The following RRAS2 variants were observed in gnomAD, a reference collection of about 807,000 sequenced individuals.
The protein encoded by RRAS2 is RAS related 2.
Under a neutral mutation model 27.6 loss-of-function variants are expected in RRAS2, and 7 were observed. The ratio of observed to expected loss-of-function variants is 0.25; its 90% CI spans 0.14 to 0.48. The LOEUF is 0.48. Among genes scored for constraint, RRAS2 ranks in the 20% least tolerant of loss-of-function variants. The pLI, the probability that RRAS2 is intolerant of heterozygous loss-of-function variation, is 0.99. For missense variants in RRAS2, 178 were observed against 256.2 expected, an observed-to-expected ratio of 0.69 and a Z score of 2.08; for synonymous variants, 86 against 90.9, an observed-to-expected ratio of 0.95 and a Z score of 0.31.
At chr11:14,298,205 A>G (rs1554946937) in intron 1 of RRAS2, among the ~76,000 whole-genome samples, 1 of 152,198 alleles carries the variant, frequency 6.6e-6, no homozygotes, top group African/African-American at 2.4e-5. Flanking sequence ...CCCATATGCC[A>G]TGCTTTTATA....
At chr11:14,304,428 A>C (rs1847788632) in intron 1 of RRAS2, among the ~76,000 whole-genome samples, 1 of 152,224 alleles carries the variant, frequency 6.6e-6, no homozygotes, top group African/African-American at 2.4e-5. Flanking sequence ...AAACCAGTTT[A>C]AGGCTACCCA....
chr11:14,294,499 T>C lies in RRAS2; in HGVS notation c.380A>G (p.Asn127Ser). The C allele has an allele frequency of 1.3e-6, 2 of 1,598,152 alleles. No individual in the cohort carries two copies. Among genetic ancestry groups the C allele is most frequent in the Non-Finnish European group, 1.7e-6 (2 of 1,172,996 alleles). ...TCTTTGATGATCCAGATCTGCTTTA[T>C]TACCAATTAAAATCATTGGGAACTC... The part of the protein sequence containing the change: ...RDEFPMILIG[N>S]KADLDHQRQV... Residue 127 changes from asparagine (N) to serine (S), a missense_variant, in exon 4 of 6, where the codon AAT becomes AGT. Transcript: ENST00000256196.
intron 1 of RRAS2, among the ~76,000 whole-genome samples, chr11:14,353,855 G>A (rs1849017090): frequency 6.6e-6 from 1 of 152,144 alleles, no homozygotes; most frequent in South Asian, 2.1e-4. Context: ...CATTTCAACT[G>A]TTCCCCAAAC....
At chr11:14,335,672 T>C (rs782539413) in intron 1 of RRAS2, among the ~76,000 whole-genome samples, 2 of 152,264 alleles carry the variant, frequency 1.3e-5, no homozygotes, top group East Asian at 3.9e-4. Flanking sequence ...CTAAAAATCC[T>C]TGACAAACAT....
At chr11:14,293,194 G>A (rs1192763492) in intron 4 of RRAS2, among the ~76,000 whole-genome samples, 2 of 138,802 alleles carry the variant, frequency 1.4e-5, no homozygotes, top group Non-Finnish European at 3.0e-5. Flanking sequence ...TTGAAATTGG[G>A]TATGCCGCCA....
At chr11:14,319,488 A>T (rs1285107382) in intron 1 of RRAS2, among the ~76,000 whole-genome samples, 1 of 151,574 alleles carries the variant, frequency 6.6e-6, no homozygotes, top group Non-Finnish European at 1.5e-5. Context: ...CCTCCCGAGT[A>T]GCTGGGACTA....
At chr11:14,339,905 G>T (rs1349193946) in intron 1 of RRAS2, among the ~76,000 whole-genome samples, 2 of 151,868 alleles carry the variant, frequency 1.3e-5, no homozygotes, top group Non-Finnish European at 2.9e-5. Context: ...CTTGAGCTCA[G>T]GAGTTCGAGA....
chr11:14,343,682 A>G (rs1480246780), intron 1 of RRAS2, among the ~76,000 whole-genome samples: 1 of 151,622 alleles, frequency 6.6e-6, no homozygotes, highest in Non-Finnish European at 1.5e-5. Flanking sequence ...AAAAATACAA[A>G]AATTAGCGGG....
At position 14,351,625 on chromosome 11, in the gene RRAS2, G is replaced by A. The variant is rs982044448; in HGVS notation, c.108+7138C>T. 2.1e-4 allele frequency among the ~76,000 whole-genome samples: 32 copies of A among 152,038 alleles called. 1 individual carries two copies. Among genetic ancestry groups the A allele is most frequent in the Non-Finnish European group, 4.4e-4 (30 of 68,004 alleles). ...AGCGCCTGTAATCCCAGCTACTCGG[G>A]AGGCTGAGGCAGGAGAATGGCTTGA... On this transcript the variant is annotated intron_variant, in intron 1 of 5. Coordinates refer to ENST00000256196, the MANE Select transcript of RRAS2 (RefSeq NM_012250.6).
Position 14,279,234 on chromosome 11 carries a change from T to A in RRAS2, c.*103A>T. 1 of 825,254 alleles carries A rather than the reference T, an allele frequency of 1.2e-6. No individual in the cohort carries two copies. The highest frequency in any genetic ancestry group is 2.5e-5 in the East Asian group (1 of 40,564). 51.1% of individuals were successfully genotyped at this position (825,254 alleles called of 1,614,324 possible). On this transcript the variant is annotated 3_prime_UTR_variant, in exon 6 of 6. Transcript: ENST00000256196. ...TCTTCGTCTAAGGCTAACATGGTGA[T>A]CATTTGTCTAAGGCTAGAAAGGTAC...
chr11:14,281,381 T>A (rs1334627387), intron 5 of RRAS2, among the ~76,000 whole-genome samples: 1 of 152,194 alleles, frequency 6.6e-6, no homozygotes, highest in Admixed American at 6.5e-5. Context: ...ATCACCCCCT[T>A]TGGAAGCAGC....
At chr11:14,320,027 C>T (rs533657638) in intron 1 of RRAS2, among the ~76,000 whole-genome samples, 1 of 152,216 alleles carries the variant, frequency 6.6e-6, no homozygotes, top group South Asian at 2.1e-4. Flanking sequence ...AAAAATGTCA[C>T]CATGAGAGAG....
At chr11:14,333,431 T>C (rs1848522448) in intron 1 of RRAS2, among the ~76,000 whole-genome samples, 1 of 152,084 alleles carries the variant, frequency 6.6e-6, no homozygotes, top group Non-Finnish European at 1.5e-5. Flanking sequence ...AAATTCCTTT[T>C]CCTTATAAAC....
chr11:14,330,634 G>A (rs1385283179), intron 1 of RRAS2, among the ~76,000 whole-genome samples: 1 of 151,396 alleles, frequency 6.6e-6, no homozygotes, highest in Middle Eastern at 3.2e-3. Context: ...GAGGCATTAT[G>A]ATGACATGTA....
intron 1 of RRAS2, among the ~76,000 whole-genome samples, chr11:14,298,937 G>A (rs1304393060): frequency 1.3e-5 from 2 of 152,140 alleles, no homozygotes; most frequent in Non-Finnish European, 2.9e-5. Context: ...TGAGGCAACA[G>A]ATCACCAATA....
chr11:14,313,118 T>G (rs1554949060), intron 1 of RRAS2, among the ~76,000 whole-genome samples: 2 of 152,218 alleles, frequency 1.3e-5, no homozygotes, highest in East Asian at 3.8e-4. Flanking sequence ...ACAAACATGA[T>G]TCATATCAAA....
At chr11:14,338,648 A>C (rs949122593) in intron 1 of RRAS2, among the ~76,000 whole-genome samples, 1 of 152,290 alleles carries the variant, frequency 6.6e-6, no homozygotes, top group African/African-American at 2.4e-5. Context: ...CAGATTTTTG[A>C]ATTAGGAATG....
At chr11:14,295,424 T>C (rs1847518655) in intron 2 of RRAS2, among the ~76,000 whole-genome samples, 1 of 152,214 alleles carries the variant, frequency 6.6e-6, no homozygotes, top group Non-Finnish European at 1.5e-5. Flanking sequence ...TATCAAACTT[T>C]TTCTATATTC....
Position 14,279,317 on chromosome 11 carries a change from T to C in RRAS2, c.*20A>G. The C allele has an allele frequency of 6.5e-7, 1 of 1,542,830 alleles. No homozygotes were observed. Among genetic ancestry groups the C allele is most frequent in the Non-Finnish European group, 9.0e-7 (1 of 1,115,588 alleles). ...GATGAGGGCTTTTCCTGGCCGTTGGTAGCTAAAACTGAAGGGATTCTAGAA... is the reference window on the plus strand; with the variant it reads ...GATGAGGGCTTTTCCTGGCCGTTGGCAGCTAAAACTGAAGGGATTCTAGAA... On this transcript the variant is annotated 3_prime_UTR_variant, in exon 6 of 6. Coordinates refer to ENST00000256196, the MANE Select transcript of RRAS2 (RefSeq NM_012250.6).
Sources: allele counts gnomAD v4.1 joint callset (sites outside exome capture counted in the v4.1 genomes callset), GRCh38; gene constraint gnomAD v4.1.1; transcripts MANE v1.5; gene names NCBI Gene and HGNC (gene_info 2026-07-23, HGNC 2026-07-21).